USP45: variants seen among roughly 807,000 people sequenced by gnomAD.
USP45 encodes the protein ubiquitin carboxyl-terminal hydrolase 45.
A neutral mutation model predicts 95.8 loss-of-function variants in USP45; 89 were observed. The ratio of observed to expected loss-of-function variants is 0.93; its 90% CI spans 0.78 to 1.11. The LOEUF is 1.11. Among genes scored for constraint, USP45 ranks in the 50% least tolerant of loss-of-function variants. The pLI is 0.00. For synonymous variants in USP45, 281 were observed against 316.2 expected, an observed-to-expected ratio of 0.89 and a Z score of 1.18; for missense variants, 898 against 942.5, an observed-to-expected ratio of 0.95 and a Z score of 0.62.
chr6:99,456,479 CAGA>C (rs1255504046), intron 13 of USP45, among the ~76,000 whole-genome samples: 5 of 152,176 alleles, frequency 3.3e-5, no homozygotes, highest in African/African-American at 1.2e-4. Flanking sequence ...GAAGCCATGG[CAGA>C]AGAACGTGGA....
rs561848515 is a variant in USP45 at position 99,457,362 on chromosome 6, A to C, written c.1308+7242T>G. On this transcript the variant is annotated intron_variant, in intron 13 of 17. Transcript: ENST00000500704. Reference sequence around the variant, plus strand: ...GTGGGGCATCACGTAACCTACCGACATGTGATGTCTCCCCTGGACGCCCAG... The same window carrying C: ...GTGGGGCATCACGTAACCTACCGACCTGTGATGTCTCCCCTGGACGCCCAG... Among the ~76,000 whole-genome samples, 4 of 152,264 alleles carry C rather than the reference A, an allele frequency of 2.6e-5. No homozygotes were observed. In the East Asian group the frequency reaches 7.7e-4, roughly 29 times the overall value.
chr6:99,466,204 G>A lies in USP45; in HGVS notation c.1107+468C>T, dbSNP rs956483746. 5.3e-5 allele frequency among the ~76,000 whole-genome samples: 8 copies of A among 152,158 alleles called. 1 individual carries two copies. The South Asian group carries it at 1.7e-3, about 32-fold the overall frequency. On this transcript the variant is annotated intron_variant, in intron 11 of 17. Coordinates refer to ENST00000500704, the MANE Select transcript of USP45 (RefSeq NM_001346022.3). The stretch of plus-strand genomic sequence containing the variant: ...CTAATTGTTTTGTATTTTTTTAGTA[G>A]AGATGGGGTTTCACCATGTTGGCCA...
intron 15 of USP45, among the ~76,000 whole-genome samples, chr6:99,441,497 A>C (rs965115838): frequency 6.6e-5 from 10 of 151,566 alleles, no homozygotes; most frequent in African/African-American, 2.4e-4. Context: ...GCGCCATTGC[A>C]CTCCAGCCTG....
intron 9 of USP45, among the ~76,000 whole-genome samples, chr6:99,472,409 T>C (rs755637363): frequency 4.9e-4 from 75 of 151,770 alleles, no homozygotes; most frequent in Admixed American, 9.9e-4. Context: ...AGACACGGGG[T>C]TTCACCATGT....
At chr6:99,511,921 C>A (rs1246971091) in intron 1 of USP45, among the ~76,000 whole-genome samples, 2 of 143,262 alleles carry the variant, frequency 1.4e-5, no homozygotes, top group African/African-American at 5.1e-5. Flanking sequence ...TTGTAGAGAT[C>A]TTGACAGTTC....
At chr6:99,453,710 G>A (rs1370033707) in intron 13 of USP45, among the ~76,000 whole-genome samples, 4 of 152,148 alleles carry the variant, frequency 2.6e-5, no homozygotes, top group East Asian at 3.9e-4. Context: ...TGTAATCCCA[G>A]CACTTTGGGA....
rs1487903294 is a variant in USP45, at chr6:99,433,732, AATG to A, written c.*1981_*1983del. ...AATCTATGTAGATCTTTCCATTTTA[AATG>A]ATGTTAAAATAGTGTCAGCACTGTG... On this transcript the variant is annotated 3_prime_UTR_variant, in exon 18 of 18. Transcript: ENST00000500704. 2 of 152,052 alleles carry A rather than the reference AATG, an allele frequency of 1.3e-5. No homozygotes were observed. The highest frequency in any genetic ancestry group is 4.8e-5 in the African/African-American group (2 of 41,388). The allele number at this position is 152,052 out of a possible 1,614,324, so 9.4% of individuals were successfully genotyped here. A position where few individuals can be genotyped will look rare whatever the true frequency, so the allele number is the denominator to read the frequency against.
Position 99,433,910 on chromosome 6 carries a change from G to C in USP45, c.*1806C>G, listed in dbSNP as rs970622831. The C allele has an allele frequency of 3.9e-5, 6 of 152,124 alleles. No homozygotes were observed. Among genetic ancestry groups the C allele is most frequent in the Admixed American group, 6.5e-5 (1 of 15,268 alleles). 9.4% of individuals were successfully genotyped at this position (152,124 alleles called of 1,614,324 possible). A position where few individuals can be genotyped will look rare whatever the true frequency, so the allele number is the denominator to read the frequency against. ...TATATTTACATTTGGGCAGTGGGGG[G>C]ATGAAAACTGCTCTTACCAAGATGG... On this transcript the variant is annotated 3_prime_UTR_variant, in exon 18 of 18. Transcript: ENST00000500704.
chr6:99,476,040 C>T, intron 9 of USP45, 103 bp downstream of exon 9: 1 of 1,018,110 alleles, frequency 9.8e-7, no homozygotes, highest in Non-Finnish European at 1.4e-6. Context: ...TGGTCTGAAA[C>T]TCCTGACCTC....
chr6:99,508,702 C>T lies in USP45; in HGVS notation c.181G>A (p.Val61Ile). The part of the protein sequence containing the change: ...KRAIAENLWS[V>I]CSECLKERRF... ...CTTTCTTTTAAACATTCTGAGCAAA[C>T]TGACCACAGATTCTCAGCTATTGCT... Residue 61 changes from valine (V) to isoleucine (I), a missense_variant, in exon 3 of 18, where the codon GTT becomes ATT. Transcript: ENST00000500704. 1.2e-6 allele frequency: 2 copies of T among 1,613,800 alleles called. No individual in the cohort carries two copies. The highest frequency in any genetic ancestry group is 1.7e-5 in the Admixed American group (1 of 60,002).
rs890518100 is a variant in USP45 at position 99,492,469 on chromosome 6, A to C, written c.479-3649T>G. The stretch of plus-strand genomic sequence containing the variant: ...AATATTAAAAATTAACTACGCTATC[A>C]AACAGATAATTTAACTAGAAAATAG... On this transcript the variant is annotated intron_variant, in intron 5 of 17. Transcript: ENST00000500704. Among the ~76,000 whole-genome samples the C allele has an allele frequency of 2.7e-4, 41 of 152,198 alleles. 1 individual carries two copies. Among genetic ancestry groups the C allele is most frequent in the African/African-American group, 8.9e-4 (37 of 41,446 alleles).
chr6:99,509,314 T>C (rs1235071921), intron 2 of USP45, among the ~76,000 whole-genome samples: 1 of 152,186 alleles, frequency 6.6e-6, no homozygotes, highest in Non-Finnish European at 1.5e-5. Flanking sequence ...TGTTAATGTT[T>C]TGCACTGCTA....
At chr6:99,508,828 A>G in intron 2 of USP45, 46 bp from the exon 3 acceptor site, 1 of 1,539,344 alleles carries the variant, frequency 6.5e-7, no homozygotes, top group Non-Finnish European at 8.8e-7. Context: ...TGCTACACCA[A>G]AGTGCTACCA....
chr6:99,505,660 ACAT>A (rs1038595255), intron 4 of USP45, among the ~76,000 whole-genome samples: 1 of 140,224 alleles, frequency 7.1e-6, no homozygotes, highest in African/African-American at 2.7e-5. Flanking sequence ...AAAAAAAAAA[ACAT>A]AATGCATTAC....
At chr6:99,469,455 TAATTA>T (rs1210841168) in intron 9 of USP45, among the ~76,000 whole-genome samples, 1 of 140,998 alleles carries the variant, frequency 7.1e-6, no homozygotes, top group African/African-American at 2.6e-5. Flanking sequence ...AATATATATA[TAATTA>T]ATATATATAT....
At chr6:99,491,604 A>G (rs914205883) in intron 5 of USP45, among the ~76,000 whole-genome samples, 1 of 152,182 alleles carries the variant, frequency 6.6e-6, no homozygotes, top group African/African-American at 2.4e-5. Flanking sequence ...TCACAATGAT[A>G]ATCTTCTGAT....
At chr6:99,517,482 TG>T (rs1228225259), upstream of USP45, among the ~76,000 whole-genome samples, 2 of 152,098 alleles carry the variant, frequency 1.3e-5, no homozygotes, top group Admixed American at 6.6e-5. Flanking sequence ...TTGTCCAGGC[TG>T]GAGTGCAGTG....
chr6:99,477,209 T>C (rs1177240075), intron 8 of USP45, among the ~76,000 whole-genome samples: 1 of 152,250 alleles, frequency 6.6e-6, no homozygotes, highest in African/African-American at 2.4e-5. Context: ...TAAGTTCTAC[T>C]TTATGCTTGA....
rs1562307816 is a variant in USP45, at chr6:99,446,000, T to TC, written c.1771dup (p.Glu591GlyfsTer9). 1 of 1,613,958 alleles carries TC rather than the reference T, an allele frequency of 6.2e-7. No individual in the cohort carries two copies. Among genetic ancestry groups the TC allele is most frequent in the Admixed American group, 1.7e-5 (1 of 59,988 alleles). On this transcript the variant is annotated frameshift_variant, in exon 14 of 18. Coordinates refer to ENST00000500704, the MANE Select transcript of USP45 (RefSeq NM_001346022.3). LOFTEE classifies it high-confidence loss of function. ...ACTATAAGACCTCAAATGCTTCCCC[T>TC]CTAAAAAACATAAATTATTTGAAAT...
Sources: gnomAD v4.1 joint callset for allele counts (sites outside exome capture counted in the v4.1 genomes callset) on GRCh38, gnomAD v4.1.1 for gene constraint, MANE v1.5 for transcripts, NCBI Gene and HGNC (gene_info 2026-07-23, HGNC 2026-07-21) for gene names.